CCDC66: variants seen among roughly 807,000 people sequenced by gnomAD.
The protein encoded by CCDC66 is coiled-coil domain-containing protein 66.
In CCDC66, 133 loss-of-function variants were observed where a neutral mutation model predicts 128.3. The ratio of observed to expected loss-of-function variants is 1.04; its 90% CI spans 0.90 to 1.20. CCDC66 has a LOEUF of 1.20. CCDC66 is among the 50% of genes most tolerant of loss of function. The pLI, the probability that CCDC66 is intolerant of heterozygous loss-of-function variation, is 0.00. For missense variants in CCDC66, 1,126 were observed against 1,075.5 expected (o/e 1.05, Z -0.66); for synonymous variants, 387 against 357.0 (o/e 1.08, Z -0.95).
chr3:56,616,838 AGGTGGTTTTGGTTTG>A (rs2075574890), intron 13 of CCDC66: 1 of 320,398 alleles, frequency 3.1e-6, no homozygotes, highest in East Asian at 5.4e-5. Flanking sequence ...GTGGTATCTC[AGGTGGTTTTGGTTTG>A]CATTTCCCCC....
intron 4 of CCDC66, among the ~76,000 whole-genome samples, chr3:56,566,107 C>CTTTGTTTTGTTTTGT (rs150674110): frequency 0.049 from 7,312 of 148,914 alleles, 311 homozygotes; most frequent in African/African-American, 0.11. Context: ...CTTCAGTTTC[C>CTTTGTTTTGTTTTGT]TTTGTTTTGT....
At chr3:56,578,058 A>G (rs1306734510) in intron 7 of CCDC66, among the ~76,000 whole-genome samples, 1 of 151,810 alleles carries the variant, frequency 6.6e-6, no homozygotes, top group African/African-American at 2.4e-5. Context: ...TGAGTATGCA[A>G]TGTTTTTCCA....
chr3:56,588,579 C>G (rs1454599539), intron 7 of CCDC66, among the ~76,000 whole-genome samples: 4 of 152,092 alleles, frequency 2.6e-5, no homozygotes, highest in African/African-American at 9.7e-5. Context: ...AATGATAGCA[C>G]CAAGTGGGGT....
intron 17 of CCDC66, 168 bp from the exon 18 acceptor site, chr3:56,621,364 T>C (rs772403931): frequency 6.8e-6 from 3 of 442,224 alleles, no homozygotes; most frequent in Non-Finnish European, 1.2e-5. Context: ...GTGATAGCTA[T>C]ATATCCAAAT....
At chr3:56,595,457 C>A (rs2071704672) in intron 10 of CCDC66, among the ~76,000 whole-genome samples, 2 of 152,126 alleles carry the variant, frequency 1.3e-5, no homozygotes, top group Admixed American at 6.6e-5. Context: ...CTCGTTGAGA[C>A]CTACTTTTTT....
chr3:56,598,726 G>A (rs1232808172), intron 10 of CCDC66, among the ~76,000 whole-genome samples: 4 of 152,004 alleles, frequency 2.6e-5, no homozygotes, highest in Non-Finnish European at 5.9e-5. Context: ...TTATTGATTT[G>A]TGTATGTTGA....
intron 10 of CCDC66, among the ~76,000 whole-genome samples, chr3:56,603,208 C>G (rs989714794): frequency 1.3e-5 from 2 of 151,374 alleles, no homozygotes; most frequent in Admixed American, 1.3e-4. Flanking sequence ...AGTGGTCTGT[C>G]TATTTTGTTG....
At position 56,567,653 on chromosome 3, in the gene CCDC66, G is replaced by T. The variant is rs150175185; in HGVS notation, c.814+600G>T. Among the ~76,000 whole-genome samples the T allele has an allele frequency of 5.9e-5, 9 of 152,200 alleles. 1 individual carries two copies. Among genetic ancestry groups the T allele is most frequent in the African/African-American group, 1.7e-4 (7 of 41,538 alleles). ...ATGGCAAAACAGATTATGGGAGGGGGAGGAGAGGCAACCTGGCCAGTAAAA... is the reference window on the plus strand; with the variant it reads ...ATGGCAAAACAGATTATGGGAGGGGTAGGAGAGGCAACCTGGCCAGTAAAA... On this transcript the variant is annotated intron_variant, in intron 6 of 17. Transcript: ENST00000394672.
At chr3:56,593,458 AAATTCTTAGC>A (rs771761003) in intron 8 of CCDC66, 23 bp from the exon 9 acceptor site, 1 of 1,601,434 alleles carries the variant, frequency 6.2e-7, no homozygotes, top group South Asian at 1.1e-5. Context: ...ATAATTGGAA[AAATTCTTAGC>A]AATTCTTATT....
intron 7 of CCDC66, among the ~76,000 whole-genome samples, chr3:56,584,784 C>T (rs2069302520): frequency 6.6e-6 from 1 of 151,926 alleles, no homozygotes; most frequent in Admixed American, 6.6e-5. Context: ...CACTCCACTG[C>T]ACTCCAGCCT....
chr3:56,579,878 T>A lies in CCDC66; in HGVS notation c.936+8576T>A, dbSNP rs141917890. ...TGTGATGTGGTACTGAGAAGAATGT[T>A]TATTCTGTTGATTTGGGGTGGAGAG... is the stretch of plus-strand genomic sequence containing the variant. On this transcript the variant is annotated intron_variant, in intron 7 of 17. Coordinates refer to ENST00000394672, the MANE Select transcript of CCDC66 (RefSeq NM_001141947.3). Among the ~76,000 whole-genome samples, 472 of 151,920 alleles carry A rather than the reference T, an allele frequency of 3.1e-3. 2 individuals are homozygous for A. Among genetic ancestry groups the A allele is most frequent in the African/African-American group, 0.01 (435 of 41,540 alleles).
chr3:56,595,444 T>C (rs1256305528), intron 10 of CCDC66, among the ~76,000 whole-genome samples: 3 of 152,212 alleles, frequency 2.0e-5, no homozygotes, highest in Admixed American at 1.3e-4. Context: ...TTCCATTCTT[T>C]AGCTCGTTGA....
Position 56,616,123 on chromosome 3 carries a change from G to A in CCDC66, c.1843+70G>A. 4 of 1,407,294 alleles carry A rather than the reference G, an allele frequency of 2.8e-6. No individual in the cohort carries two copies. The South Asian group carries it at 5.2e-5, about 18-fold the overall frequency. The allele number at this position is 1,407,294 out of a possible 1,614,324, so 87.2% of individuals were successfully genotyped here. A position where few individuals can be genotyped will look rare whatever the true frequency, so the allele number is the denominator to read the frequency against. On this transcript the variant is annotated intron_variant, in intron 13 of 17. Transcript: ENST00000394672. ...TCATAATTAAAGCAGTTAGAATTAA[G>A]TTCAATTTAAAAGTTCAAAAATTAA...
At position 56,558,892 on chromosome 3, in the gene CCDC66, C is replaced by T; in HGVS notation, c.58C>T (p.Leu20=). The T allele has an allele frequency of 6.5e-7, 1 of 1,547,272 alleles. No individual in the cohort carries two copies. The highest frequency in any genetic ancestry group is 8.7e-7 in the Non-Finnish European group (1 of 1,143,768). ...ETELLDGKTK[L]ILSPYEHKSK... is the part of the protein sequence containing the mutation. ...TGAATTACTGGATGGAAAAACCAAGCTAATATTGTCTCCATATGGTATGTT... is the reference window on the plus strand; with the variant it reads ...TGAATTACTGGATGGAAAAACCAAGTTAATATTGTCTCCATATGGTATGTT... The change falls in exon 2 of 18, where the codon CTA becomes TTA. Residue 20 remains leucine (L), a synonymous_variant. Transcript: ENST00000394672.
rs2071287537 is a variant in CCDC66, at chr3:56,593,404, T to G, written c.1069-87T>G. ...GATGCTTATTCTGCTCTAAGGTGAC[T>G]TTTAGAAATCATCTTTGGTTGTCAT... On this transcript the variant is annotated intron_variant, in intron 8 of 17. Coordinates refer to ENST00000394672, the MANE Select transcript of CCDC66 (RefSeq NM_001141947.3). 3.4e-6 allele frequency: 5 copies of G among 1,469,486 alleles called. No homozygotes were observed. In the Admixed American group the frequency reaches 9.5e-5, roughly 28 times the overall value. The allele number at this position is 1,469,486 out of a possible 1,614,324, so 91.0% of individuals were successfully genotyped here.
At chr3:56,578,538 T>A (rs778698082) in intron 7 of CCDC66, among the ~76,000 whole-genome samples, 2 of 151,876 alleles carry the variant, frequency 1.3e-5, no homozygotes, top group Non-Finnish European at 2.9e-5. Context: ...CGATATTGGC[T>A]GTGGGTTTGT....
chr3:56,609,757 CTCCTTTTAGCAG>C (rs1488873796), intron 10 of CCDC66, among the ~76,000 whole-genome samples: 1 of 152,142 alleles, frequency 6.6e-6, no homozygotes, highest in Admixed American at 6.5e-5. Flanking sequence ...AGATTTAGAG[CTCCTTTTAGCAG>C]TTCTTTTAGT....
At chr3:56,617,080 A>G (rs1390174708) in intron 13 of CCDC66, 32 bp from the exon 14 acceptor site, 6 of 1,458,050 alleles carry the variant, frequency 4.1e-6, no homozygotes, top group Admixed American at 2.5e-5. Flanking sequence ...TTTGTTTACA[A>G]TTTTTAAAAA....
At chr3:56,558,967 AT>A in intron 2 of CCDC66, 57 bp downstream of exon 2, 1 of 1,233,594 alleles carries the variant, frequency 8.1e-7, no homozygotes, top group Non-Finnish European at 1.1e-6. Context: ...CATAAAATTT[AT>A]ATTAGTTCAA....
Sources: gnomAD v4.1 joint callset for allele counts (sites outside exome capture counted in the v4.1 genomes callset) on GRCh38, gnomAD v4.1.1 for gene constraint, MANE v1.5 for transcripts, NCBI Gene and HGNC (gene_info 2026-07-23, HGNC 2026-07-21) for gene names.